Variants in HAVCR2 observed in about 807,000 individuals in gnomAD.
HAVCR2 encodes hepatitis A virus cellular receptor 2, also known as T cell immunoglobulin mucin 3.
A neutral mutation model predicts 24.7 loss-of-function variants in HAVCR2; 13 were observed. That is an observed-to-expected ratio of 0.53 (90% confidence interval 0.34 to 0.84). The LOEUF is 0.84. HAVCR2 is among the 40% of genes least tolerant of loss of function. The pLI, the probability that HAVCR2 is intolerant of heterozygous loss-of-function variation, is 0.01. For missense variants in HAVCR2, 343 were observed against 371.2 expected (o/e 0.92, Z 0.62); for synonymous variants, 154 against 143.4 (o/e 1.07, Z -0.53).
chr5:157,087,007 T>C lies in HAVCR2; in HGVS notation c.*95A>G, dbSNP rs55653397. On this transcript the variant is annotated 3_prime_UTR_variant, in exon 7 of 7. Coordinates refer to ENST00000307851, the MANE Select transcript of HAVCR2 (RefSeq NM_032782.5). ...CTGAAAATGGGAAAACTCTGCTCCA[T>C]AGCAGTGGACAGAACCTCCAAAACC... The C allele has an allele frequency of 1.2e-3, 1,298 of 1,047,050 alleles. 12 individuals carry two copies. In the African/African-American group the frequency reaches 0.019, roughly 15 times the overall value. 64.9% of individuals were successfully genotyped at this position (1,047,050 alleles called of 1,614,324 possible). A position where few individuals can be genotyped will look rare whatever the true frequency, so the allele number is the denominator to read the frequency against.
chr5:157,100,952 C>T (rs1016709844), intron 3 of HAVCR2, among the ~76,000 whole-genome samples: 61 of 152,006 alleles, frequency 4.0e-4, no homozygotes, highest in African/African-American at 1.4e-3. Context: ...AAAAATTAGC[C>T]GGGCGTGGTG....
intron 5 of HAVCR2, among the ~76,000 whole-genome samples, chr5:157,094,540 C>T (rs1182529942): frequency 1.3e-5 from 2 of 151,880 alleles, no homozygotes; most frequent in African/African-American, 4.8e-5. Context: ...TGCGCCACCA[C>T]ACCCGGCTAA....
chr5:157,091,661 G>A (rs1757004610), intron 5 of HAVCR2, among the ~76,000 whole-genome samples: 1 of 152,112 alleles, frequency 6.6e-6, no homozygotes, highest in Non-Finnish European at 1.5e-5. Context: ...GGAATGCATG[G>A]ACTAGAACAT....
chr5:157,093,734 C>A (rs1382041330), intron 5 of HAVCR2, among the ~76,000 whole-genome samples: 1 of 152,132 alleles, frequency 6.6e-6, no homozygotes, highest in Non-Finnish European at 1.5e-5. Context: ...ATCACAAGGT[C>A]AGGAGATCAA....
At chr5:157,101,954 TTTTTTTTTTTG>T (rs1463030311) in intron 3 of HAVCR2, among the ~76,000 whole-genome samples, 1 of 148,040 alleles carries the variant, frequency 6.8e-6, no homozygotes, top group Non-Finnish European at 1.5e-5. Flanking sequence ...TTTTTTTTTT[TTTTTTTTTTTG>T]GGATGGAATC....
chr5:157,106,541 A>C, intron 2 of HAVCR2, 86 bp downstream of exon 2: 1 of 1,143,704 alleles, frequency 8.7e-7, no homozygotes, highest in Non-Finnish European at 1.3e-6. Context: ...ATAATTAGGG[A>C]AGTCAGAGAT....
At chr5:157,108,881 G>T in intron 1 of HAVCR2, 45 bp downstream of exon 1, 1 of 1,590,182 alleles carries the variant, frequency 6.3e-7, no homozygotes. Flanking sequence ...CTTGTCCTCT[G>T]TACAGCACCA....
At chr5:157,090,388 A>C (rs530679961) in intron 5 of HAVCR2, among the ~76,000 whole-genome samples, 41 of 151,972 alleles carry the variant, frequency 2.7e-4, no homozygotes, top group African/African-American at 9.6e-4. Context: ...TGAGCTTGGG[A>C]GTTCGAGACC....
intron 4 of HAVCR2, among the ~76,000 whole-genome samples, chr5:157,097,683 T>G (rs1421886776): frequency 6.6e-6 from 1 of 152,068 alleles, no homozygotes; most frequent in Non-Finnish European, 1.5e-5. Context: ...CACTGCAACC[T>G]CCACCTCCTG....
chr5:157,106,441 T>C (rs1387870929), intron 2 of HAVCR2, 186 bp downstream of exon 2: 1 of 598,766 alleles, frequency 1.7e-6, no homozygotes, highest in Admixed American at 2.9e-5. Flanking sequence ...CACCCATGAG[T>C]TTTAAAACAG....
Position 157,104,735 on chromosome 5 carries a change from C to A in HAVCR2, c.409G>T (p.Ala137Ser). The A allele has an allele frequency of 6.3e-7, 1 of 1,598,068 alleles. No homozygotes were observed. The highest frequency in any genetic ancestry group is 8.5e-7 in the Non-Finnish European group (1 of 1,170,922). The change falls in exon 3 of 7, where the codon GCA (alanine) becomes TCA (serine). Residue 137 changes from alanine to serine, a missense_variant. By Grantham distance (99) the Ala-to-Ser change is moderately conservative. Transcript: ENST00000307851. ...LVIKPAKVTP[A>S]PTRQRDFTAA... ...GTGAAGTCTCTCTGCCGAGTCGGTG[C>A]AGGGGTGACCTTGGCTAATGTCAGA...
chr5:157,089,365 C>T (rs189133279), intron 5 of HAVCR2, among the ~76,000 whole-genome samples: 3 of 151,882 alleles, frequency 2.0e-5, no homozygotes, highest in Non-Finnish European at 4.4e-5. Flanking sequence ...GGAGAAACCC[C>T]GTCTCTACTA....
At chr5:157,099,167 T>C (rs982347259) in intron 3 of HAVCR2, among the ~76,000 whole-genome samples, 1 of 152,200 alleles carries the variant, frequency 6.6e-6, no homozygotes, top group Non-Finnish European at 1.5e-5. Flanking sequence ...TGCCAGGAAG[T>C]CCTACATTAA....
chr5:157,095,543 T>G (rs1487313707), intron 4 of HAVCR2, 84 bp from the exon 5 acceptor site: 4 of 1,474,374 alleles, frequency 2.7e-6, no homozygotes, highest in Non-Finnish European at 3.8e-6. Flanking sequence ...AATTGGACCA[T>G]CCCTTTTACA....
chr5:157,105,053 T>C (rs1043797438), intron 2 of HAVCR2: 2 of 153,846 alleles, frequency 1.3e-5, no homozygotes, highest in African/African-American at 5.6e-5. Context: ...TCAGAAATGT[T>C]TTAGATTTTG....
rs779667869 is a variant in HAVCR2 at position 157,104,705 on chromosome 5, C to T, written c.439G>A (p.Ala147Thr). The T allele has an allele frequency of 6.2e-7, 1 of 1,605,202 alleles. No individual in the cohort carries two copies. The highest frequency in any genetic ancestry group is 8.5e-7 in the Non-Finnish European group (1 of 1,175,356). Residue 147 changes from alanine (A) to threonine (T), a missense_variant, in exon 3 of 7, where the codon GCC becomes ACC. Physicochemically the swap from Ala to Thr is moderately conservative, Grantham distance 58. Coordinates refer to ENST00000307851, the MANE Select transcript of HAVCR2 (RefSeq NM_032782.5). Reference sequence around the variant, plus strand: ...CTGGTGGTAAGCATCCTTGGAAAGGCTGCAGTGAAGTCTCTCTGCCGAGTC... The same window carrying T: ...CTGGTGGTAAGCATCCTTGGAAAGGTTGCAGTGAAGTCTCTCTGCCGAGTC... The part of the protein sequence containing the change: ...APTRQRDFTA[A>T]FPRMLTTRGH...
chr5:157,093,208 A>G (rs538091921), intron 5 of HAVCR2, among the ~76,000 whole-genome samples: 1 of 152,020 alleles, frequency 6.6e-6, no homozygotes, highest in East Asian at 1.9e-4. Flanking sequence ...TTTCTGAATA[A>G]TCCATTTAAC....
chr5:157,095,252 T>C, intron 5 of HAVCR2, 54 bp downstream of exon 5: 2 of 1,587,598 alleles, frequency 1.3e-6, no homozygotes, highest in Middle Eastern at 3.4e-4. Context: ...AGGTTTTTAC[T>C]GGTTCTCACT....
intron 5 of HAVCR2, among the ~76,000 whole-genome samples, chr5:157,089,690 G>C (rs1228275041): frequency 6.6e-6 from 1 of 152,130 alleles, no homozygotes; most frequent in Admixed American, 6.6e-5. Flanking sequence ...CTTTAAGCTC[G>C]TTTCTGAAAT....
Sources: allele counts gnomAD v4.1 joint callset (sites outside exome capture counted in the v4.1 genomes callset), GRCh38; gene constraint gnomAD v4.1.1; transcripts MANE v1.5; gene names NCBI Gene and HGNC (gene_info 2026-07-23, HGNC 2026-07-21).